Variants in TMEM131 observed in about 807,000 individuals in gnomAD.
The protein encoded by TMEM131 is 2610524E03Rik.
A neutral mutation model predicts 211.6 loss-of-function variants in TMEM131; 66 were observed. The ratio of observed to expected loss-of-function variants is 0.31; its 90% CI spans 0.26 to 0.38. The LOEUF (loss-of-function observed/expected upper bound fraction) is 0.38. TMEM131 is among the 10% of genes least tolerant of loss of function. The pLI, the probability that TMEM131 is intolerant of heterozygous loss-of-function variation, is 1.00. For missense variants in TMEM131, 2,036 were observed against 2,299.3 expected, an observed-to-expected ratio of 0.89 and a Z score of 2.34; for synonymous variants, 844 against 841.3, an observed-to-expected ratio of 1.00 and a Z score of -0.06.
intron 12 of TMEM131, among the ~76,000 whole-genome samples, chr2:97,818,301 TA>T (rs760318699): frequency 8.5e-5 from 13 of 152,192 alleles, no homozygotes; most frequent in Non-Finnish European, 1.6e-4. Context: ...AGATGAATTA[TA>T]ATACATAATA....
intron 1 of TMEM131, among the ~76,000 whole-genome samples, chr2:97,977,896 G>A (rs2104628394): frequency 6.6e-6 from 1 of 152,172 alleles, no homozygotes; most frequent in African/African-American, 2.4e-5. Context: ...GACCAACCTG[G>A]CCAACATAGT....
chr2:97,885,257 G>C lies in TMEM131; in HGVS notation c.359+2795C>G, dbSNP rs369602579. On this transcript the variant is annotated intron_variant, in intron 4 of 40. Transcript: ENST00000186436. ...CTGTCACCCAGCCTGGAGGGCAGTGGCGCGATCTCCGCTCACTGCAAGCTC... is the reference window on the plus strand; with the variant it reads ...CTGTCACCCAGCCTGGAGGGCAGTGCCGCGATCTCCGCTCACTGCAAGCTC... 3.4e-5 allele frequency among the ~76,000 whole-genome samples: 5 copies of C among 148,474 alleles called. No homozygotes were observed. The East Asian group carries it at 5.8e-4, about 17-fold the overall frequency.
At chr2:97,932,089 C>T (rs1677246120) in intron 1 of TMEM131, among the ~76,000 whole-genome samples, 3 of 149,686 alleles carry the variant, frequency 2.0e-5, no homozygotes. Flanking sequence ...TTGCAGTGGG[C>T]TGAGATAGTG....
intron 1 of TMEM131, among the ~76,000 whole-genome samples, chr2:97,949,589 T>G (rs1573603651): frequency 1.3e-5 from 2 of 150,212 alleles, no homozygotes; most frequent in South Asian, 2.1e-4. Context: ...CCGAGGCGGG[T>G]GGATCACAAG....
chr2:97,907,706 G>C (rs1676130786), intron 3 of TMEM131, among the ~76,000 whole-genome samples: 1 of 152,160 alleles, frequency 6.6e-6, no homozygotes, highest in African/African-American at 2.4e-5. Context: ...TATACTGACA[G>C]AATAAAACAT....
chr2:97,890,310 C>A (rs1046404327), intron 3 of TMEM131, among the ~76,000 whole-genome samples: 6 of 152,172 alleles, frequency 3.9e-5, no homozygotes, highest in Non-Finnish European at 1.5e-5. Flanking sequence ...GTGCTCCAGG[C>A]AACTGGTGAC....
At chr2:97,927,231 A>G (rs1452597276) in intron 2 of TMEM131, among the ~76,000 whole-genome samples, 195 bp downstream of exon 2, 1 of 152,198 alleles carries the variant, frequency 6.6e-6, no homozygotes, top group African/African-American at 2.4e-5. Context: ...TTGCATTTTA[A>G]AGAAATATTT....
At chr2:97,804,621 CAAAAAAAAA>C (rs71386034) in intron 22 of TMEM131, among the ~76,000 whole-genome samples, 2 of 71,922 alleles carry the variant, frequency 2.8e-5, no homozygotes, top group African/African-American at 5.7e-5. Flanking sequence ...GACTCCGTCT[CAAAAAAAAA>C]AAAAAAAAAA....
intron 1 of TMEM131, among the ~76,000 whole-genome samples, chr2:97,978,706 G>A (rs1002219884): frequency 6.6e-6 from 1 of 152,170 alleles, no homozygotes. Context: ...TATTTCCACT[G>A]TATCTGCAGT....
At chr2:97,980,217 G>A (rs1357597044) in intron 1 of TMEM131, among the ~76,000 whole-genome samples, 1 of 152,168 alleles carries the variant, frequency 6.6e-6, no homozygotes, top group East Asian at 1.9e-4. Context: ...GAAATATTGT[G>A]AGACTTACCA....
intron 1 of TMEM131, among the ~76,000 whole-genome samples, chr2:97,954,907 A>T (rs1305145487): frequency 6.6e-6 from 1 of 151,918 alleles, no homozygotes; most frequent in East Asian, 1.9e-4. Flanking sequence ...CAAACATTTT[A>T]AAAAGAATTA....
At position 97,760,875 on chromosome 2, in the gene TMEM131, C is replaced by T. The variant is rs1428447442; in HGVS notation, c.4929G>A (p.Lys1643=). 5 of 1,613,918 alleles carry T rather than the reference C, an allele frequency of 3.1e-6. No individual in the cohort carries two copies. Among genetic ancestry groups the T allele is most frequent in the Non-Finnish European group, 3.4e-6 (4 of 1,179,904 alleles). The change falls in exon 37 of 41, where the codon AAG becomes AAA. Residue 1643 remains lysine (K), a synonymous_variant. Transcript: ENST00000186436. ...CCGGGAGCGAGGCTGCCTTTGTCAA[C>T]TTGTGTTTGCTTCCATTTGGCTGTT... The part of the protein sequence containing the change: ...KIKQPNGSKH[K]LTKAASLPGK...
chr2:97,883,605 C>G (rs1024938945), intron 4 of TMEM131, among the ~76,000 whole-genome samples: 1 of 152,146 alleles, frequency 6.6e-6, no homozygotes, highest in Non-Finnish European at 1.5e-5. Context: ...CTTTAATATT[C>G]TGTATATCCT....
At chr2:97,923,946 A>G (rs1676864639) in intron 2 of TMEM131, among the ~76,000 whole-genome samples, 1 of 151,774 alleles carries the variant, frequency 6.6e-6, no homozygotes, top group South Asian at 2.1e-4. Flanking sequence ...CGGGCTTGGT[A>G]GCGGGTGCCT....
intron 19 of TMEM131, among the ~76,000 whole-genome samples, chr2:97,807,320 G>A (rs1258691549): frequency 6.6e-6 from 1 of 152,178 alleles, no homozygotes; most frequent in Non-Finnish European, 1.5e-5. Flanking sequence ...CCTATGGAAG[G>A]TGTCTGGGCC....
intron 4 of TMEM131, among the ~76,000 whole-genome samples, chr2:97,862,021 C>G (rs187883646): frequency 6.6e-6 from 1 of 152,092 alleles, no homozygotes; most frequent in South Asian, 2.1e-4. Flanking sequence ...CCAGGTGGCT[C>G]AGCACAGAGA....
intron 3 of TMEM131, among the ~76,000 whole-genome samples, chr2:97,890,936 T>C (rs1380487625): frequency 6.6e-6 from 1 of 152,238 alleles, no homozygotes; most frequent in African/African-American, 2.4e-5. Flanking sequence ...TCAAATATGA[T>C]TCCCTCATAA....
intron 12 of TMEM131, among the ~76,000 whole-genome samples, chr2:97,815,929 T>A (rs2104983067): frequency 6.6e-6 from 1 of 152,284 alleles, no homozygotes; most frequent in South Asian, 2.1e-4. Context: ...TCAGAGCTCT[T>A]CTCAAAAACC....
intron 3 of TMEM131, among the ~76,000 whole-genome samples, chr2:97,906,834 T>C (rs1379957187): frequency 6.6e-6 from 1 of 152,180 alleles, no homozygotes; most frequent in Non-Finnish European, 1.5e-5. Flanking sequence ...CCTGCCTGAA[T>C]TTCTGACAGA....
Sources: gnomAD v4.1 joint callset for allele counts (sites outside exome capture counted in the v4.1 genomes callset) on GRCh38, gnomAD v4.1.1 for gene constraint, MANE v1.5 for transcripts, NCBI Gene and HGNC (gene_info 2026-07-23, HGNC 2026-07-21) for gene names.